FEZ1: variants seen among roughly 807,000 people sequenced by gnomAD.
The protein encoded by FEZ1 is fasciculation and elongation protein zeta-1.
Under a neutral mutation model 49.3 loss-of-function variants are expected in FEZ1, and 20 were observed. The ratio of observed to expected loss-of-function variants is 0.41; its 90% CI spans 0.29 to 0.59. The LOEUF (loss-of-function observed/expected upper bound fraction) is 0.59. Among genes scored for constraint, FEZ1 ranks in the 20% least tolerant of loss-of-function variants. FEZ1 has a pLI of 0.36. For missense variants in FEZ1, 413 were observed against 476.0 expected, an observed-to-expected ratio of 0.87 and a Z score of 1.23; for synonymous variants, 170 against 180.9, an observed-to-expected ratio of 0.94 and a Z score of 0.48.
intron 2 of FEZ1, chr11:125,488,853 T>C (rs956499277): frequency 1.0e-5 from 10 of 985,282 alleles, no homozygotes; most frequent in Non-Finnish European, 1.2e-5. Flanking sequence ...TTTTCTTGAC[T>C]ACTATTAAGA....
chr11:125,493,338 A>G (rs1957401885), intron 1 of FEZ1, among the ~76,000 whole-genome samples: 1 of 140,718 alleles, frequency 7.1e-6, no homozygotes, highest in Non-Finnish European at 1.5e-5. Context: ...CCATCTCAAG[A>G]AAGAAAGAAA....
intron 6 of FEZ1, among the ~76,000 whole-genome samples, chr11:125,454,871 A>C (rs920568129): frequency 2.0e-5 from 3 of 151,614 alleles, no homozygotes; most frequent in African/African-American, 4.9e-5. Context: ...AAAATTAGCC[A>C]GGCGTGGTGG....
At position 125,463,645 on chromosome 11, in the gene FEZ1, G is replaced by T. The variant is rs1053031554; in HGVS notation, c.412-75C>A. 4.2e-5 allele frequency: 37 copies of T among 878,922 alleles called. No homozygotes were observed. In the Admixed American group the frequency reaches 6.4e-4, roughly 15 times the overall value. The allele number at this position is 878,922 out of a possible 1,614,324, so 54.4% of individuals were successfully genotyped here. A position where few individuals can be genotyped will look rare whatever the true frequency, so the allele number is the denominator to read the frequency against. ...GGGATTGCCTCTAGTCTCGAGAATG[G>T]ATGATACTGACTGGGAGGCCACTCC... On this transcript the variant is annotated intron_variant, in intron 3 of 9. Coordinates refer to ENST00000278919, the MANE Select transcript of FEZ1 (RefSeq NM_005103.5).
chr11:125,463,526 A>G lies in FEZ1; in HGVS notation c.456T>C (p.Asn152=). ...GAGGCTCCTCGTTGATACCGGAATCATTTTCACTCTTCTCATTGAACTCTT... is the reference window on the plus strand; with the variant it reads ...GAGGCTCCTCGTTGATACCGGAATCGTTTTCACTCTTCTCATTGAACTCTT... ...EEEEFNEKSE[N]DSGINEEPLL... is the part of the protein sequence containing the mutation. The change falls in exon 4 of 10, where the codon AAT becomes AAC. Residue 152 remains asparagine, a synonymous_variant. Transcript: ENST00000278919. 1 of 1,611,680 alleles carries G rather than the reference A, an allele frequency of 6.2e-7. No homozygotes were observed. Among genetic ancestry groups the G allele is most frequent in the Non-Finnish European group, 8.5e-7 (1 of 1,177,866 alleles).
At chr11:125,473,240 C>T (rs1342891590) in intron 3 of FEZ1, among the ~76,000 whole-genome samples, 1 of 152,096 alleles carries the variant, frequency 6.6e-6, no homozygotes, top group Non-Finnish European at 1.5e-5. Flanking sequence ...GAAGTAGATC[C>T]GCACATACAT....
intron 3 of FEZ1, among the ~76,000 whole-genome samples, chr11:125,470,859 A>G (rs562640462): frequency 4.1e-4 from 62 of 152,360 alleles, no homozygotes; most frequent in African/African-American, 1.4e-3. Flanking sequence ...TTTTCTTAAA[A>G]GACAACTAAC....
intron 8 of FEZ1, among the ~76,000 whole-genome samples, chr11:125,451,219 CTT>C (rs1170261180): frequency 1.3e-5 from 2 of 152,118 alleles, no homozygotes; most frequent in East Asian, 1.9e-4. Flanking sequence ...AAAAAAGAAA[CTT>C]AGTGCATATT....
chr11:125,447,304 C>CA (rs1024409473), intron 9 of FEZ1, among the ~76,000 whole-genome samples: 9 of 152,110 alleles, frequency 5.9e-5, no homozygotes, highest in African/African-American at 2.2e-4. Flanking sequence ...CAAAAATCCA[C>CA]AATGAGGAAA....
At chr11:125,482,527 AGAG>A (rs1222707991) in intron 2 of FEZ1, among the ~76,000 whole-genome samples, 2 of 152,220 alleles carry the variant, frequency 1.3e-5, no homozygotes, top group South Asian at 2.1e-4. Context: ...TTACAAAAAA[AGAG>A]GAGGGAGGTT....
chr11:125,485,249 T>C (rs1957316636), intron 2 of FEZ1, among the ~76,000 whole-genome samples: 1 of 152,164 alleles, frequency 6.6e-6, no homozygotes, highest in African/African-American at 2.4e-5. Flanking sequence ...TTTTATAGCT[T>C]GGGCTTAGGT....
intron 1 of FEZ1, among the ~76,000 whole-genome samples, chr11:125,492,904 G>A (rs1284036113): frequency 6.6e-6 from 1 of 150,870 alleles, no homozygotes; most frequent in Non-Finnish European, 1.5e-5. Context: ...TGAGTTTGAG[G>A]CTATAGTGAG....
In FEZ1 at chr11:125,460,483, G is replaced by A. The variant is rs199541284; in HGVS notation, c.667+15C>T. 1.6e-4 allele frequency: 262 copies of A among 1,611,370 alleles called. No homozygotes were observed. Among genetic ancestry groups the A allele is most frequent in the East Asian group, 4.7e-4 (21 of 44,838 alleles). The stretch of plus-strand genomic sequence containing the variant: ...GTGCTTCCTCCTCGGCCAGCCCAGC[G>A]CCCAGGGCCCTCACCTTCATAGGAC... On this transcript the variant is annotated intron_variant, in intron 5 of 9. Coordinates refer to ENST00000278919, the MANE Select transcript of FEZ1 (RefSeq NM_005103.5).
chr11:125,474,420 A>C, intron 3 of FEZ1, among the ~76,000 whole-genome samples: 1 of 151,958 alleles, frequency 6.6e-6, no homozygotes, highest in Admixed American at 6.6e-5. Context: ...TGCCCACCTT[A>C]GTCTCCCAAA....
intron 4 of FEZ1, among the ~76,000 whole-genome samples, chr11:125,462,066 T>C (rs955946879): frequency 6.6e-6 from 1 of 152,206 alleles, no homozygotes; most frequent in Non-Finnish European, 1.5e-5. Context: ...CCCCTATTTT[T>C]AAAAATCTGG....
Position 125,485,662 on chromosome 11 carries a change from G to A in FEZ1, c.311+3805C>T, listed in dbSNP as rs1004667796. Among the ~76,000 whole-genome samples the A allele has an allele frequency of 3.3e-5, 5 of 152,052 alleles. No homozygotes were observed. In the South Asian group the frequency reaches 6.2e-4, roughly 19 times the overall value. ...AGAAAGTAGAAATTAGTGGCTGGGCGTGGTGGCTCACGCCTGTAATCCTAG... is the reference window on the plus strand; with the variant it reads ...AGAAAGTAGAAATTAGTGGCTGGGCATGGTGGCTCACGCCTGTAATCCTAG... On this transcript the variant is annotated intron_variant, in intron 2 of 9. Transcript: ENST00000278919.
intron 1 of FEZ1, among the ~76,000 whole-genome samples, chr11:125,491,424 T>C (rs1591604806): frequency 6.6e-6 from 1 of 152,144 alleles, no homozygotes; most frequent in Admixed American, 6.6e-5. Flanking sequence ...GGCTAGGCAG[T>C]CAATCAATAT....
intron 6 of FEZ1, among the ~76,000 whole-genome samples, chr11:125,454,589 C>T (rs981015761): frequency 6.6e-5 from 10 of 152,096 alleles, no homozygotes; most frequent in African/African-American, 2.4e-4. Context: ...TGTCTTAAAG[C>T]AACTGTCCTG....
At chr11:125,469,674 T>A (rs1957166589) in intron 3 of FEZ1, among the ~76,000 whole-genome samples, 1 of 150,608 alleles carries the variant, frequency 6.6e-6, no homozygotes, top group African/African-American at 2.4e-5. Flanking sequence ...AGCGATTCTC[T>A]AGCCTCAGCC....
At chr11:125,454,906 C>T (rs1281069472) in intron 6 of FEZ1, among the ~76,000 whole-genome samples, 4 of 149,594 alleles carry the variant, frequency 2.7e-5, no homozygotes, top group Non-Finnish European at 5.9e-5. Context: ...CCCGGCGACT[C>T]AGGAGGTTGA....
Sources: allele counts gnomAD v4.1 joint callset (sites outside exome capture counted in the v4.1 genomes callset), GRCh38; gene constraint gnomAD v4.1.1; transcripts MANE v1.5; gene names NCBI Gene and HGNC (gene_info 2026-07-23, HGNC 2026-07-21).